SORCS1: variants seen among roughly 807,000 people sequenced by gnomAD.
The protein encoded by SORCS1 is sortilin related VPS10 domain containing receptor 1.
SORCS1 carries 60 observed loss-of-function variants against 146.1 expected under a neutral mutation model. The observed-to-expected ratio is 0.41, with a 90% CI of 0.33 to 0.51. The LOEUF is 0.51. SORCS1 is among the 20% of genes least tolerant of loss of function. The pLI is 0.21. For missense variants in SORCS1, 1,352 were observed against 1,487.6 expected, an observed-to-expected ratio of 0.91 and a Z score of 1.50; for synonymous variants, 637 against 584.0, an observed-to-expected ratio of 1.09 and a Z score of -1.31.
intron 18 of SORCS1, among the ~76,000 whole-genome samples, chr10:106,630,190 G>A (rs945067317): frequency 6.6e-6 from 1 of 152,168 alleles, no homozygotes. Flanking sequence ...TTGTATCATA[G>A]GAAGGACGGA....
chr10:106,585,061 T>C (rs1392146938), intron 24 of SORCS1, among the ~76,000 whole-genome samples: 1 of 151,538 alleles, frequency 6.6e-6, no homozygotes, highest in Non-Finnish European at 1.5e-5. Context: ...AAAACATGTA[T>C]AGTCCAAAAA....
intron 1 of SORCS1, among the ~76,000 whole-genome samples, chr10:107,091,177 A>T (rs779260610): frequency 6.6e-6 from 1 of 152,242 alleles, no homozygotes; most frequent in African/African-American, 2.4e-5. Context: ...GCTGCTGCTG[A>T]CATGACTCTT....
chr10:107,155,234 T>C (rs988624460), intron 1 of SORCS1, among the ~76,000 whole-genome samples: 7 of 152,184 alleles, frequency 4.6e-5, no homozygotes, highest in Non-Finnish European at 1.0e-4. Context: ...GTGGACTGCA[T>C]CTCTTCATGG....
At chr10:106,773,692 G>A (rs151100083) in intron 4 of SORCS1, among the ~76,000 whole-genome samples, 1,534 of 152,264 alleles carry the variant, frequency 0.01, 9 homozygotes, top group South Asian at 0.017. Flanking sequence ...GCTCATGTCC[G>A]TAATCCCAGC....
intron 2 of SORCS1, among the ~76,000 whole-genome samples, chr10:106,885,210 T>G (rs951652270): frequency 7.9e-5 from 12 of 151,986 alleles, no homozygotes; most frequent in African/African-American, 2.7e-4. Context: ...TTCTTCTTGC[T>G]TCTCTGTATT....
At chr10:107,158,859 C>T (rs1969495715) in intron 1 of SORCS1, among the ~76,000 whole-genome samples, 1 of 152,072 alleles carries the variant, frequency 6.6e-6, no homozygotes, top group Non-Finnish European at 1.5e-5. Context: ...CATGTATCTG[C>T]TTTTTTGCCC....
At chr10:106,606,268 C>G (rs1489815068) in intron 23 of SORCS1, among the ~76,000 whole-genome samples, 1 of 134,294 alleles carries the variant, frequency 7.4e-6, no homozygotes, top group African/African-American at 2.9e-5. Flanking sequence ...AATACACACA[C>G]AGATATACAC....
intron 1 of SORCS1, among the ~76,000 whole-genome samples, chr10:106,964,221 G>A (rs374190423): frequency 6.6e-6 from 1 of 152,192 alleles, no homozygotes; most frequent in Non-Finnish European, 1.5e-5. Context: ...TATTGTGGAG[G>A]ACCTTAAATA....
chr10:107,054,570 A>T (rs1960420305), intron 1 of SORCS1, among the ~76,000 whole-genome samples: 1 of 152,196 alleles, frequency 6.6e-6, no homozygotes, highest in Non-Finnish European at 1.5e-5. Flanking sequence ...TAGAATTTTA[A>T]CAGGGAGTCA....
At chr10:106,675,529 A>G (rs1364165163) in intron 13 of SORCS1, among the ~76,000 whole-genome samples, 2 of 152,170 alleles carry the variant, frequency 1.3e-5, no homozygotes, top group African/African-American at 4.8e-5. Flanking sequence ...AAGAGCGATG[A>G]CCTTGTAAGA....
chr10:106,974,362 T>A (rs1955908648), intron 1 of SORCS1, among the ~76,000 whole-genome samples: 1 of 152,230 alleles, frequency 6.6e-6, no homozygotes, highest in Admixed American at 6.5e-5. Flanking sequence ...CCAGGCCTAT[T>A]TAGCCAAAAG....
intron 5 of SORCS1, among the ~76,000 whole-genome samples, chr10:106,746,230 T>C (rs1857735468): frequency 6.6e-6 from 1 of 152,236 alleles, no homozygotes; most frequent in African/African-American, 2.4e-5. Context: ...TTTTTACCAA[T>C]GTTAATTTTT....
At position 106,956,583 on chromosome 10, in the gene SORCS1, G is replaced by A; in HGVS notation, c.559-3C>T. On this transcript the variant is annotated splice_polypyrimidine_tract_variant and splice_region_variant and intron_variant, in intron 1 of 25. Coordinates refer to ENST00000263054, the MANE Select transcript of SORCS1 (RefSeq NM_052918.5). ...AGCTTTGTCAAAATGAGAATCACCT[G>A]AAGGCAAAAGAAGAAATCATGGTTA... The A allele has an allele frequency of 1.9e-6, 3 of 1,613,678 alleles. No individual in the cohort carries two copies. Among genetic ancestry groups the A allele is most frequent in the Non-Finnish European group, 2.5e-6 (3 of 1,179,694 alleles).
At chr10:106,619,659 C>A (rs4917480) in intron 20 of SORCS1, among the ~76,000 whole-genome samples, 147,946 of 152,176 alleles carry the variant, frequency 0.97, 72,042 homozygotes, top group East Asian at 1. Flanking sequence ...AGGAAAGAAA[C>A]ATTAGTGGAG....
At chr10:107,080,234 T>C (rs1042667227) in intron 1 of SORCS1, among the ~76,000 whole-genome samples, 1 of 152,204 alleles carries the variant, frequency 6.6e-6, no homozygotes, top group African/African-American at 2.4e-5. Flanking sequence ...CATTAAGCCA[T>C]AATGTTGTTT....
chr10:107,160,884 T>C (rs1969650343), intron 1 of SORCS1, among the ~76,000 whole-genome samples: 1 of 152,210 alleles, frequency 6.6e-6, no homozygotes. Context: ...CTCTAAGGAT[T>C]ACTATATAAA....
chr10:106,619,740 C>T (rs1847612502), intron 20 of SORCS1, among the ~76,000 whole-genome samples: 2 of 152,182 alleles, frequency 1.3e-5, no homozygotes, highest in Non-Finnish European at 2.9e-5. Flanking sequence ...ACTCCAGCTG[C>T]ACCACCCTCA....
At chr10:106,924,894 C>T (rs1952936504) in intron 2 of SORCS1, among the ~76,000 whole-genome samples, 1 of 151,640 alleles carries the variant, frequency 6.6e-6, no homozygotes, top group Non-Finnish European at 1.5e-5. Context: ...TATATGTTTT[C>T]ATTCTGTTTT....
At chr10:106,916,964 A>G (rs1952474634) in intron 2 of SORCS1, among the ~76,000 whole-genome samples, 1 of 152,134 alleles carries the variant, frequency 6.6e-6, no homozygotes, top group Non-Finnish European at 1.5e-5. Context: ...GCTGGTCTCG[A>G]ACTCCTGACC....
Sources: allele counts gnomAD v4.1 joint callset (sites outside exome capture counted in the v4.1 genomes callset), GRCh38; gene constraint gnomAD v4.1.1; transcripts MANE v1.5; gene names NCBI Gene and HGNC (gene_info 2026-07-23, HGNC 2026-07-21).